LPP: variants seen among roughly 807,000 people sequenced by gnomAD.
The protein encoded by LPP is LIM domain containing preferred translocation partner in lipoma, also known as lipoma-preferred partner.
A neutral mutation model predicts 60.4 loss-of-function variants in LPP; 38 were observed. The ratio of observed to expected loss-of-function variants is 0.63; its 90% CI spans 0.49 to 0.83. The LOEUF (loss-of-function observed/expected upper bound fraction) is 0.83. LPP is among the 40% of genes least tolerant of loss of function. LPP has a pLI of 0.00. For synonymous variants in LPP, 328 were observed against 290.8 expected (o/e 1.13, Z -1.30); for missense variants, 902 against 783.6 (o/e 1.15, Z -1.80).
intron 4 of LPP, among the ~76,000 whole-genome samples, chr3:188,424,071 G>C (rs1195526045): frequency 6.6e-6 from 1 of 152,094 alleles, no homozygotes; most frequent in Non-Finnish European, 1.5e-5. Flanking sequence ...TTTTCTTCTA[G>C]GGTTTTTATG....
intron 6 of LPP, among the ~76,000 whole-genome samples, chr3:188,534,464 G>A (rs1035813980): frequency 1.3e-5 from 2 of 152,162 alleles, no homozygotes; most frequent in Admixed American, 6.5e-5. Flanking sequence ...GAGTGTTCTT[G>A]TTAGGACTGG....
chr3:188,307,543 T>C (rs1751925387), intron 2 of LPP, among the ~76,000 whole-genome samples: 3 of 152,246 alleles, frequency 2.0e-5, no homozygotes. Context: ...ATTATGTGCA[T>C]CTTTACCTGT....
chr3:188,761,153 A>C (rs1458063529), intron 9 of LPP, among the ~76,000 whole-genome samples: 1 of 152,200 alleles, frequency 6.6e-6, no homozygotes, highest in Non-Finnish European at 1.5e-5. Flanking sequence ...GTAAACCCAC[A>C]AAACAGTCAT....
intron 2 of LPP, among the ~76,000 whole-genome samples, chr3:188,240,622 G>A: frequency 6.6e-6 from 1 of 152,204 alleles, no homozygotes; most frequent in Non-Finnish European, 1.5e-5. Flanking sequence ...ACATATTTGG[G>A]TAGAAACTTT....
intron 6 of LPP, among the ~76,000 whole-genome samples, chr3:188,545,223 G>A (rs1343491767): frequency 3.6e-5 from 5 of 137,584 alleles, no homozygotes; most frequent in Non-Finnish European, 7.7e-5. Context: ...CCTGCACAAT[G>A]TGCACATGTA....
At chr3:188,281,612 A>AAAAAG (rs1742079343) in intron 2 of LPP, among the ~76,000 whole-genome samples, 1 of 150,862 alleles carries the variant, frequency 6.6e-6, no homozygotes. Flanking sequence ...AAAAAAAAAA[A>AAAAAG]AAAAAAAAAA....
At chr3:188,536,343 A>G (rs538240426) in intron 6 of LPP, among the ~76,000 whole-genome samples, 9 of 152,190 alleles carry the variant, frequency 5.9e-5, no homozygotes, top group Non-Finnish European at 1.0e-4. Context: ...GTTTACTGCC[A>G]GGAAGCTCTG....
At chr3:188,203,291 T>C (rs1315915003) in intron 1 of LPP, among the ~76,000 whole-genome samples, 1 of 118,596 alleles carries the variant, frequency 8.4e-6, no homozygotes, top group African/African-American at 3.4e-5. Context: ...AATTTCATTA[T>C]AATAAAATAT....
chr3:188,414,606 C>T (rs1364115493), intron 4 of LPP, among the ~76,000 whole-genome samples: 1 of 152,124 alleles, frequency 6.6e-6, no homozygotes. Flanking sequence ...CTGTAAAATT[C>T]TAGAACCAGG....
intron 9 of LPP, among the ~76,000 whole-genome samples, chr3:188,808,652 A>G (rs925379011): frequency 1.3e-5 from 2 of 151,818 alleles, no homozygotes; most frequent in African/African-American, 4.8e-5. Flanking sequence ...CTTTATCAGT[A>G]CTCTTTTTTG....
chr3:188,428,592 A>ATTT (rs1239973969), intron 4 of LPP, among the ~76,000 whole-genome samples: 4 of 63,954 alleles, frequency 6.3e-5, no homozygotes, highest in African/African-American at 2.1e-4. Flanking sequence ...ATATATATAT[A>ATTT]TATATTTTTT....
rs543665776 is a variant in LPP, at chr3:188,609,040, T to C, written c.430-121T>C. 182 of 777,470 alleles carry C rather than the reference T, an allele frequency of 2.3e-4. 1 individual carries two copies. In the South Asian group the frequency reaches 3.3e-3, roughly 14 times the overall value. The allele number at this position is 777,470 out of a possible 1,614,324, so 48.2% of individuals were successfully genotyped here. ...AAGGCAAGATTATGCCTTATTTGTG[T>C]TCTACATAGTAATAAATAATAATTA... On this transcript the variant is annotated intron_variant, in intron 6 of 11. Coordinates refer to ENST00000617246, the MANE Select transcript of LPP (RefSeq NM_001375462.1). The surrounding 1 kb of genome is among the most constrained non-coding windows in gnomAD (Gnocchi z 6.9).
chr3:188,609,263 T>C lies in LPP; in HGVS notation c.532T>C (p.Ser178Pro). The change falls in exon 7 of 12, where the codon TCT becomes CCT. Residue 178 changes from serine to proline, a missense_variant. Coordinates refer to ENST00000617246, the MANE Select transcript of LPP (RefSeq NM_001375462.1). The surrounding 1 kb of genome is among the most constrained non-coding windows in gnomAD (Gnocchi z 6.9). ...ACCCCCTCTAACAGCAACCAAGAAG[T>C]CTACATTGAAACCACAGCCTGCACC... ...NQPPLTATKK[S>P]TLKPQPAPQA... The C allele has an allele frequency of 1.9e-6, 3 of 1,613,928 alleles. No homozygotes were observed. Among genetic ancestry groups the C allele is most frequent in the Non-Finnish European group, 2.5e-6 (3 of 1,179,986 alleles).
chr3:188,644,056 A>G (rs1850678256), intron 7 of LPP, among the ~76,000 whole-genome samples: 1 of 152,194 alleles, frequency 6.6e-6, no homozygotes, highest in Non-Finnish European at 1.5e-5. Flanking sequence ...CATCATACCT[A>G]CCAGTAAGAA....
At chr3:188,214,942 T>C (rs1282810717) in intron 1 of LPP, among the ~76,000 whole-genome samples, 1 of 152,202 alleles carries the variant, frequency 6.6e-6, no homozygotes, top group Non-Finnish European at 1.5e-5. Context: ...GAGTAGGAAC[T>C]ATTTTTTAAA....
Position 188,561,486 on chromosome 3 carries a change from C to A in LPP, c.429+36699C>A, listed in dbSNP as rs990155186. Among the ~76,000 whole-genome samples, 4 of 152,144 alleles carry A rather than the reference C, an allele frequency of 2.6e-5. No homozygotes were observed. The South Asian group carries it at 8.3e-4, about 32-fold the overall frequency. On this transcript the variant is annotated intron_variant, in intron 6 of 11. Transcript: ENST00000617246. Reference sequence around the variant, plus strand: ...GTCAGTACACATCCCTGTCATTTCTCAAAAATGTAAGGAAACAGCATGTAT... The same window carrying A: ...GTCAGTACACATCCCTGTCATTTCTAAAAAATGTAAGGAAACAGCATGTAT...
chr3:188,607,319 A>G (rs1842591039), intron 6 of LPP, among the ~76,000 whole-genome samples: 1 of 141,348 alleles, frequency 7.1e-6, no homozygotes, highest in Non-Finnish European at 1.6e-5. Flanking sequence ...TGTATGTGTG[A>G]GCACGTTTCT....
intron 4 of LPP, among the ~76,000 whole-genome samples, chr3:188,407,084 A>T (rs1003095039): frequency 2.0e-5 from 3 of 152,110 alleles, no homozygotes; most frequent in Non-Finnish European, 2.9e-5. Flanking sequence ...TAAAATAAAA[A>T]AAAAAAAAAC....
intron 4 of LPP, among the ~76,000 whole-genome samples, chr3:188,465,098 A>T (rs2149471639): frequency 6.6e-6 from 1 of 152,256 alleles, no homozygotes; most frequent in East Asian, 1.9e-4. Context: ...TGGAATTCAG[A>T]AGACAGTGTG....
Sources: allele counts gnomAD v4.1 joint callset (sites outside exome capture counted in the v4.1 genomes callset), GRCh38; gene constraint gnomAD v4.1.1; non-coding constraint Gnocchi (gnomAD v3.1); transcripts MANE v1.5; gene names NCBI Gene and HGNC (gene_info 2026-07-23, HGNC 2026-07-21).